GPBP1L1: variants seen among roughly 807,000 people sequenced by gnomAD.
The protein encoded by GPBP1L1 is vasculin-like protein 1.
A neutral mutation model predicts 52.5 loss-of-function variants in GPBP1L1; 23 were observed. The ratio of observed to expected loss-of-function variants is 0.44; its 90% CI spans 0.32 to 0.62. GPBP1L1 has a LOEUF of 0.62. GPBP1L1 is among the 20% of genes least tolerant of loss of function. GPBP1L1 has a pLI of 0.06. For missense variants in GPBP1L1, 596 were observed against 579.3 expected (o/e 1.03, Z -0.30); for synonymous variants, 243 against 203.1 (o/e 1.20, Z -1.67).
chr1:45,654,424 A>G (rs1644857405), intron 6 of GPBP1L1, 119 bp downstream of exon 6: 2 of 1,027,754 alleles, frequency 1.9e-6, no homozygotes, highest in South Asian at 3.6e-5. Flanking sequence ...AACAATAAAA[A>G]CCTCAACTTA....
upstream of GPBP1L1, chr1:45,686,678 C>G (rs1037918816): frequency 6.6e-6 from 1 of 152,270 alleles, no homozygotes; most frequent in African/African-American, 2.4e-5. Flanking sequence ...GGCGACCCTC[C>G]CGGACGCCAG....
At chr1:45,651,104 G>A (rs1327352562) in intron 6 of GPBP1L1, 1 of 504,746 alleles carries the variant, frequency 2.0e-6, no homozygotes, top group Non-Finnish European at 3.9e-6. Flanking sequence ...TTGGGACCCA[G>A]GACATTGCCT....
intron 2 of GPBP1L1, among the ~76,000 whole-genome samples, chr1:45,673,740 T>C (rs144293677): frequency 0.012 from 1,817 of 152,250 alleles, 22 homozygotes; most frequent in South Asian, 0.017. Context: ...CACATGCCTG[T>C]AATCCCAGCT....
intron 6 of GPBP1L1, chr1:45,651,534 C>A: frequency 1.9e-6 from 1 of 530,968 alleles, no homozygotes; most frequent in South Asian, 2.0e-5. Context: ...TACTTGTGGG[C>A]CAGCTTAAGT....
chr1:45,677,341 GAAAA>G (rs35311976), intron 2 of GPBP1L1, among the ~76,000 whole-genome samples: 1 of 117,536 alleles, frequency 8.5e-6, no homozygotes, highest in Non-Finnish European at 1.8e-5. Context: ...TTCGTCTCAG[GAAAA>G]AAAAAAAAAA....
chr1:45,684,677 AC>A (rs1378045061), intron 2 of GPBP1L1, among the ~76,000 whole-genome samples: 3 of 151,966 alleles, frequency 2.0e-5, no homozygotes, highest in Non-Finnish European at 2.9e-5. Flanking sequence ...ACCACTGAGT[AC>A]CCCCCCAAAA....
intron 2 of GPBP1L1, among the ~76,000 whole-genome samples, chr1:45,662,762 G>C (rs1039546014): frequency 6.6e-6 from 1 of 152,002 alleles, no homozygotes; most frequent in African/African-American, 2.4e-5. Flanking sequence ...ACACTTAAAA[G>C]AATATTAGGC....
chr1:45,642,291 C>T, intron 7 of GPBP1L1, 136 bp downstream of exon 7: 1 of 660,426 alleles, frequency 1.5e-6, no homozygotes, highest in Non-Finnish European at 2.7e-6. Flanking sequence ...TAACCCGCTA[C>T]AGTCAGATGT....
At chr1:45,635,171 C>T (rs190881516) in intron 8 of GPBP1L1, 4 of 152,118 alleles carry the variant, frequency 2.6e-5, no homozygotes, top group Non-Finnish European at 2.9e-5. Flanking sequence ...ATAATTGTTA[C>T]GCTGACTTTT....
At position 45,640,281 on chromosome 1, in the gene GPBP1L1, T is replaced by TC. The variant is rs963594336; in HGVS notation, c.672dup (p.Asn225GlufsTer12). The TC allele has an allele frequency of 6.2e-7, 1 of 1,614,168 alleles. No homozygotes were observed. Among genetic ancestry groups the TC allele is most frequent in the Non-Finnish European group, 8.5e-7 (1 of 1,180,014 alleles). ...CTTGGAACCACGGATGACAATTTGTTCCCATTTGCATGGTGAGATCCTGGT... is the reference window on the plus strand; with the variant it reads ...CTTGGAACCACGGATGACAATTTGTTCCCCATTTGCATGGTGAGATCCTGGT... On this transcript the variant is annotated frameshift_variant, in exon 8 of 13. Transcript: ENST00000355105. LOFTEE classifies it high-confidence loss of function.
chr1:45,653,658 C>T (rs992089233), intron 6 of GPBP1L1, among the ~76,000 whole-genome samples: 2 of 151,938 alleles, frequency 1.3e-5, no homozygotes, highest in African/African-American at 4.8e-5. Flanking sequence ...CTATGCCTGG[C>T]CAACTTAAAG....
chr1:45,655,890 C>T (rs1206040205), intron 4 of GPBP1L1: 1 of 152,846 alleles, frequency 6.5e-6, no homozygotes, highest in Non-Finnish European at 1.5e-5. Flanking sequence ...CTGCCTCGGC[C>T]TATGGAGTAG....
chr1:45,656,669 CTTTT>C (rs531524977), intron 4 of GPBP1L1, among the ~76,000 whole-genome samples: 3 of 139,910 alleles, frequency 2.1e-5, no homozygotes, highest in African/African-American at 5.3e-5. Flanking sequence ...ATACATAAGC[CTTTT>C]TTTTTTTTTT....
rs79473887 is a variant in GPBP1L1, at chr1:45,655,213, T to C, written c.167A>G (p.Asn56Ser). ...ACCTCCTGCAGTTCGTAGGGGACCA[T>C]TGTTAAAAAAACCATCAGAGGAATT... is the stretch of plus-strand genomic sequence containing the variant. ...RHNSSDGFFN[N>S]GPLRTAGDSW... is the part of the protein sequence containing the mutation. The change falls in exon 5 of 13, where the codon AAT becomes AGT. Residue 56 changes from asparagine (N) to serine (S), a missense_variant. Physicochemically the swap from Asn to Ser is conservative, Grantham distance 46 (BLOSUM62 1). Coordinates refer to ENST00000355105, the MANE Select transcript of GPBP1L1 (RefSeq NM_021639.5). The C allele has an allele frequency of 2.0e-4, 323 of 1,614,100 alleles. No individual in the cohort carries two copies. The highest frequency in any genetic ancestry group is 1.9e-3 in the African/African-American group (142 of 75,014).
chr1:45,668,791 A>G lies in GPBP1L1; in HGVS notation c.-1097-7566T>C, dbSNP rs574816175. Among the ~76,000 whole-genome samples, 6 of 152,262 alleles carry G rather than the reference A, an allele frequency of 3.9e-5. No homozygotes were observed. In the South Asian group the frequency reaches 1.0e-3, roughly 26 times the overall value. ...AAAACTTCACCAGCCTAGGCAAAAT[A>G]GGGAGACCCTGTATCTACAAAAAAT... On this transcript the variant is annotated intron_variant, in intron 2 of 12. Coordinates refer to ENST00000355105, the MANE Select transcript of GPBP1L1 (RefSeq NM_021639.5).
intron 2 of GPBP1L1, among the ~76,000 whole-genome samples, chr1:45,667,498 C>G (rs1159766404): frequency 6.6e-6 from 1 of 152,140 alleles, no homozygotes; most frequent in East Asian, 1.9e-4. Flanking sequence ...AGAGCACCTC[C>G]CCGGCCAAGA....
intron 2 of GPBP1L1, among the ~76,000 whole-genome samples, chr1:45,672,223 T>C (rs1386980240): frequency 6.6e-6 from 1 of 151,484 alleles, no homozygotes; most frequent in Non-Finnish European, 1.5e-5. Context: ...TAGCTGGGCA[T>C]GGTGGCCAGG....
intron 6 of GPBP1L1, chr1:45,645,711 G>C (rs1644734798): frequency 3.0e-6 from 1 of 329,092 alleles, no homozygotes; most frequent in African/African-American, 2.2e-5. Flanking sequence ...TTTGTCAGAA[G>C]CTTGTTCTTC....
intron 11 of GPBP1L1, 70 bp downstream of exon 11, chr1:45,630,412 A>G (rs1644515064): frequency 6.5e-7 from 1 of 1,547,384 alleles, no homozygotes. Context: ...TATCTGAGAT[A>G]TCTTCTCCAG....
Sources: allele counts gnomAD v4.1 joint callset (sites outside exome capture counted in the v4.1 genomes callset), GRCh38; gene constraint gnomAD v4.1.1; transcripts MANE v1.5; gene names NCBI Gene and HGNC (gene_info 2026-07-23, HGNC 2026-07-21).